RAP1A: variants seen among roughly 807,000 people sequenced by gnomAD.
RAP1A encodes ras-related protein Rap-1A.
In RAP1A, 6 loss-of-function variants were observed where a neutral mutation model predicts 26.4. That is an observed-to-expected ratio of 0.23 (90% CI 0.12 to 0.45). The LOEUF is 0.45. RAP1A is among the 20% of genes least tolerant of loss of function. The pLI is 0.99. For synonymous variants in RAP1A, 73 were observed against 79.4 expected (o/e 0.92, Z 0.43); for missense variants, 121 against 217.2 (o/e 0.56, Z 2.78).
intron 1 of RAP1A, chr1:111,563,925 C>G: frequency 6.2e-7 from 1 of 1,613,898 alleles, no homozygotes; most frequent in Non-Finnish European, 8.5e-7. Context: ...TCCTTCTGCT[C>G]AATGGGTCCT....
chr1:111,628,284 A>G (rs951856524), intron 1 of RAP1A, among the ~76,000 whole-genome samples: 1 of 152,200 alleles, frequency 6.6e-6, no homozygotes, highest in African/African-American at 2.4e-5. Context: ...CTGAAATGCA[A>G]ATGGGCTGTG....
chr1:111,677,638 C>T (rs1661169047), intron 1 of RAP1A, among the ~76,000 whole-genome samples: 1 of 152,182 alleles, frequency 6.6e-6, no homozygotes. Flanking sequence ...CTCAGCTCCT[C>T]TTCAGGTGTG....
chr1:111,586,102 C>T (rs1458622470), intron 1 of RAP1A, among the ~76,000 whole-genome samples: 2 of 152,224 alleles, frequency 1.3e-5, no homozygotes, highest in Non-Finnish European at 2.9e-5. Flanking sequence ...TATGGAACTG[C>T]AATCATTTCT....
upstream of RAP1A, among the ~76,000 whole-genome samples, chr1:111,617,158 A>C (rs1659029011): frequency 6.6e-6 from 1 of 152,066 alleles, no homozygotes; most frequent in Non-Finnish European, 1.5e-5. Context: ...ATGTGACCCC[A>C]CCAGGGCACG....
At chr1:111,652,722 G>A (rs1180454338) in intron 1 of RAP1A, among the ~76,000 whole-genome samples, 2 of 152,102 alleles carry the variant, frequency 1.3e-5, no homozygotes, top group East Asian at 1.9e-4. Context: ...ACAATAACAA[G>A]TGTTGGCCAG....
chr1:111,548,300 C>T (rs1042680627), intron 1 of RAP1A, among the ~76,000 whole-genome samples: 34 of 152,220 alleles, frequency 2.2e-4, no homozygotes, highest in African/African-American at 7.5e-4. Flanking sequence ...GGATTACAAG[C>T]GTGAGCCACT....
At chr1:111,561,329 T>C (rs1044040493) in intron 1 of RAP1A, among the ~76,000 whole-genome samples, 1 of 152,032 alleles carries the variant, frequency 6.6e-6, no homozygotes, top group Non-Finnish European at 1.5e-5. Flanking sequence ...TTGCCATGTT[T>C]CCCAGGCTGG....
chr1:111,708,182 A>C lies in RAP1A; in HGVS notation c.469-967A>C, dbSNP rs192874535. On this transcript the variant is annotated intron_variant, in intron 6 of 7. Coordinates refer to ENST00000369709, the MANE Select transcript of RAP1A (RefSeq NM_002884.4). ...GAGCAAGACTCTGTCTCAAAACAAA[A>C]CAAACAAACTAAAAACCACAAATAT... 2.0e-5 allele frequency among the ~76,000 whole-genome samples: 3 copies of C among 152,300 alleles called. No homozygotes were observed. The East Asian group carries it at 5.8e-4, about 29-fold the overall frequency.
intron 1 of RAP1A, among the ~76,000 whole-genome samples, chr1:111,661,328 A>G (rs536419381): frequency 1.3e-5 from 2 of 152,308 alleles, no homozygotes; most frequent in South Asian, 4.1e-4. Flanking sequence ...TGGAGGGGGA[A>G]AAGATTGGAT....
At chr1:111,626,897 C>T (rs1445774455) in intron 1 of RAP1A, among the ~76,000 whole-genome samples, 1 of 152,086 alleles carries the variant, frequency 6.6e-6, no homozygotes, top group African/African-American at 2.4e-5. Context: ...ACAGGTACTA[C>T]TGAGTTTTGG....
intron 1 of RAP1A, among the ~76,000 whole-genome samples, chr1:111,670,475 AAACT>A (rs199836642): frequency 1.2e-4 from 18 of 152,292 alleles, no homozygotes; most frequent in African/African-American, 4.3e-4. Context: ...ACTCTGTCTC[AAACT>A]AACAAACAAA....
chr1:111,653,107 C>T (rs952308513), intron 1 of RAP1A, among the ~76,000 whole-genome samples: 6 of 152,188 alleles, frequency 3.9e-5, no homozygotes, highest in African/African-American at 1.4e-4. Flanking sequence ...GACACAACTT[C>T]AACATCGATG....
intron 1 of RAP1A, among the ~76,000 whole-genome samples, chr1:111,583,289 TTAA>T (rs869275451): frequency 1.0e-4 from 5 of 48,192 alleles, no homozygotes; most frequent in Non-Finnish European, 2.4e-4. Context: ...TGCTCATGCT[TTAA>T]AAAAAAAAAA....
intron 1 of RAP1A, among the ~76,000 whole-genome samples, chr1:111,593,765 G>GC (rs1658514028): frequency 6.8e-6 from 1 of 147,710 alleles, no homozygotes; most frequent in Non-Finnish European, 1.5e-5. Flanking sequence ...TGCCTGGCCA[G>GC]CCCACAGTGG....
In RAP1A at chr1:111,713,462, G is replaced by C. The variant is rs1034155512; in HGVS notation, c.*1061G>C. 2.0e-5 allele frequency: 3 copies of C among 152,070 alleles called. No individual in the cohort carries two copies. Among genetic ancestry groups the C allele is most frequent in the African/African-American group, 7.2e-5 (3 of 41,386 alleles). 9.4% of individuals were successfully genotyped at this position (152,070 alleles called of 1,614,324 possible). On this transcript the variant is annotated 3_prime_UTR_variant, in exon 8 of 8. Coordinates refer to ENST00000369709, the MANE Select transcript of RAP1A (RefSeq NM_002884.4). ...TCAGGGTTTAACTTTTACTATTTCA[G>C]ATCTTCCACAGCTTGTAATTTCATC...
chr1:111,659,623 G>A (rs1482311700), intron 1 of RAP1A, among the ~76,000 whole-genome samples: 1 of 151,078 alleles, frequency 6.6e-6, no homozygotes, highest in African/African-American at 2.4e-5. Context: ...TCTTTTAATT[G>A]GTGTTGGATT....
At chr1:111,708,483 A>AT (rs997058110) in intron 6 of RAP1A, among the ~76,000 whole-genome samples, 1 of 152,232 alleles carries the variant, frequency 6.6e-6, no homozygotes, top group African/African-American at 2.4e-5. Flanking sequence ...ACTGTTCCAG[A>AT]TTTTTAAAAA....
intron 1 of RAP1A, among the ~76,000 whole-genome samples, chr1:111,676,208 T>C (rs1661118168): frequency 6.6e-6 from 1 of 151,900 alleles, no homozygotes; most frequent in Admixed American, 6.6e-5. Context: ...ATACAAAAAT[T>C]AGCCAGGCAT....
chr1:111,639,243 G>A (rs541325258), intron 1 of RAP1A, among the ~76,000 whole-genome samples: 1 of 152,036 alleles, frequency 6.6e-6, no homozygotes, highest in Non-Finnish European at 1.5e-5. Flanking sequence ...GTTATACATA[G>A]ATTTTCCTGA....
Sources: allele counts gnomAD v4.1 joint callset (sites outside exome capture counted in the v4.1 genomes callset), GRCh38; gene constraint gnomAD v4.1.1; transcripts MANE v1.5; gene names NCBI Gene and HGNC (gene_info 2026-07-23, HGNC 2026-07-21).